Variants in CASZ1 observed in about 807,000 individuals in gnomAD.
The protein encoded by CASZ1 is zinc finger protein castor homolog 1.
Under a neutral mutation model 135.2 loss-of-function variants are expected in CASZ1, and 28 were observed. The observed-to-expected ratio is 0.21, with a 90% CI of 0.15 to 0.28. CASZ1 has a LOEUF of 0.28. CASZ1 is among the 10% of genes least tolerant of loss of function. CASZ1 has a pLI of 1.00. For synonymous variants in CASZ1, 1,068 were observed against 1,073.4 expected, an observed-to-expected ratio of 0.99 and a Z score of 0.10; for missense variants, 2,161 against 2,453.3, an observed-to-expected ratio of 0.88 and a Z score of 2.52.
chr1:10,732,425 G>C (rs1036085399), intron 2 of CASZ1, among the ~76,000 whole-genome samples: 2 of 151,986 alleles, frequency 1.3e-5, no homozygotes, highest in Non-Finnish European at 2.9e-5. Context: ...GAGACCAACA[G>C]GTGTGAGAAC....
chr1:10,786,957 C>T (rs1640870470), intron 1 of CASZ1, among the ~76,000 whole-genome samples: 1 of 152,188 alleles, frequency 6.6e-6, no homozygotes, highest in African/African-American at 2.4e-5. Context: ...ATGGAATTCA[C>T]AGGGGTCCCC....
Position 10,647,324 on chromosome 1 carries a change from T to C in CASZ1, c.3497+477A>G. 2.0e-6 allele frequency: 2 copies of C among 1,006,464 alleles called. No homozygotes were observed. Among genetic ancestry groups the C allele is most frequent in the Non-Finnish European group, 2.4e-6 (2 of 841,750 alleles). 62.3% of individuals were successfully genotyped at this position (1,006,464 alleles called of 1,614,324 possible). On this transcript the variant is annotated intron_variant, in intron 16 of 20. Transcript: ENST00000377022. This position sits in a 1 kb window ranked among gnomAD's most constrained non-coding sequence, Gnocchi z 4.9. ...CCACCATCCAGTGAGGAGGGTCCCT[T>C]CCACCCAAGAGCTCAGACCACTGTG...
At chr1:10,716,676 C>G (rs1358884153) in intron 2 of CASZ1, among the ~76,000 whole-genome samples, 4 of 152,220 alleles carry the variant, frequency 2.6e-5, no homozygotes, top group African/African-American at 9.6e-5. Context: ...CTAGACAGCA[C>G]AATAAATCTA....
intron 1 of CASZ1, among the ~76,000 whole-genome samples, chr1:10,773,570 G>C (rs1345175635): frequency 1.3e-5 from 2 of 152,124 alleles, no homozygotes; most frequent in Non-Finnish European, 2.9e-5. Flanking sequence ...TGAACATGGT[G>C]AGGGGAAGGG....
intron 1 of CASZ1, among the ~76,000 whole-genome samples, chr1:10,769,526 A>AT (rs968492529): frequency 6.6e-6 from 1 of 151,754 alleles, no homozygotes; most frequent in African/African-American, 2.4e-5. Flanking sequence ...GAAATAGTTA[A>AT]TTTTTTTTTG....
chr1:10,764,747 C>G (rs1402796292), intron 1 of CASZ1, among the ~76,000 whole-genome samples: 2 of 152,192 alleles, frequency 1.3e-5, no homozygotes, highest in Non-Finnish European at 2.9e-5. Context: ...CAAAACAGTT[C>G]TGGACCAAGT....
chr1:10,648,083 G>A lies in CASZ1; in HGVS notation c.3215C>T (p.Pro1072Leu), dbSNP rs142874965. The A allele has an allele frequency of 2.3e-4, 368 of 1,578,716 alleles. 2 individuals are homozygous for A. The highest frequency in any genetic ancestry group is 3.0e-4 in the Non-Finnish European group (350 of 1,163,186). Residue 1072 changes from proline (P) to leucine (L), a missense_variant, in exon 16 of 21, where the codon CCG (proline) becomes CTG (leucine). Around this residue, in one of 7 missense-constraint regions of CASZ1, gnomAD observed 349 missense variants for 460.8 expected, o/e 0.76. Transcript: ENST00000377022. ...AGGTTTGGTCTCGGCGGCCGAGGCC[G>A]GAAAGGCAGCCTCTGTGTTTCCTTT... Reference protein sequence around the residue: ...AAKGNTEAAFPASAAETKPPM... With the variant: ...AAKGNTEAAFLASAAETKPPM...
At chr1:10,685,249 G>C (rs772819241) in intron 4 of CASZ1, among the ~76,000 whole-genome samples, 2 of 152,222 alleles carry the variant, frequency 1.3e-5, no homozygotes, top group Non-Finnish European at 2.9e-5. Context: ...CCCTAGAGGG[G>C]AGTCTGGGGA....
intron 1 of CASZ1, among the ~76,000 whole-genome samples, chr1:10,770,973 A>G (rs2100593143): frequency 6.6e-6 from 1 of 152,244 alleles, no homozygotes; most frequent in East Asian, 1.9e-4. Flanking sequence ...TGCTTTTCCC[A>G]GGAGGGGCGG....
Position 10,694,538 on chromosome 1 carries a change from G to T in CASZ1, c.-23-626C>A, listed in dbSNP as rs1443984406. On this transcript the variant is annotated intron_variant, in intron 3 of 20. Coordinates refer to ENST00000377022, the MANE Select transcript of CASZ1 (RefSeq NM_001079843.3). The surrounding 1 kb of genome is among the most constrained non-coding windows in gnomAD (Gnocchi z 6.6). ...AGGGCGGCCGCGGCGCCGCCTCCTC[G>T]GCCCGGCCCGCGCCGGCCCCGGCAG... is the stretch of plus-strand genomic sequence containing the variant. 7.1e-6 allele frequency: 1 copy of T among 141,682 alleles called. No homozygotes were observed. Among genetic ancestry groups the T allele is most frequent in the South Asian group, 2.1e-4 (1 of 4,854 alleles). The allele number at this position is 141,682 out of a possible 1,614,324, so 8.8% of individuals were successfully genotyped here.
chr1:10,715,298 T>G (rs1032999190), intron 2 of CASZ1, among the ~76,000 whole-genome samples: 1 of 152,138 alleles, frequency 6.6e-6, no homozygotes, highest in African/African-American at 2.4e-5. Flanking sequence ...ACCAACTCTG[T>G]GAGTCACCTC....
intron 2 of CASZ1, among the ~76,000 whole-genome samples, chr1:10,760,076 C>A (rs896639994): frequency 6.6e-6 from 1 of 152,210 alleles, no homozygotes; most frequent in Non-Finnish European, 1.5e-5. Flanking sequence ...CATGAGTGAC[C>A]TGCCTTACGC....
chr1:10,726,974 G>A lies in CASZ1; in HGVS notation c.-76-21430C>T, dbSNP rs1192280656. On this transcript the variant is annotated intron_variant, in intron 2 of 20. Coordinates refer to ENST00000377022, the MANE Select transcript of CASZ1 (RefSeq NM_001079843.3). This position sits in a 1 kb window ranked among gnomAD's most constrained non-coding sequence, Gnocchi z 5.7. ...CCTGGCCAGTTTCTCTATCACGAAA[G>A]CCAGGACGGAGGGGAGGGAGACCGG... Among the ~76,000 whole-genome samples, 1 of 152,198 alleles carries A rather than the reference G, an allele frequency of 6.6e-6. No individual in the cohort carries two copies. The highest frequency in any genetic ancestry group is 1.5e-5 in the Non-Finnish European group (1 of 68,034).
chr1:10,751,527 G>A (rs1469666143), intron 2 of CASZ1, among the ~76,000 whole-genome samples: 1 of 152,338 alleles, frequency 6.6e-6, no homozygotes, highest in East Asian at 1.9e-4. Flanking sequence ...CACCAGCTTT[G>A]CTTTTAATGC....
At chr1:10,645,269 G>A (rs1334549572) in intron 17 of CASZ1, among the ~76,000 whole-genome samples, 181 bp from the exon 18 acceptor site, 5 of 152,180 alleles carry the variant, frequency 3.3e-5, no homozygotes, top group African/African-American at 9.6e-5. Flanking sequence ...GGTGGCTCAC[G>A]CCTATAATCC....
chr1:10,690,616 C>T (rs940047378), intron 4 of CASZ1, among the ~76,000 whole-genome samples: 1 of 152,210 alleles, frequency 6.6e-6, no homozygotes, highest in African/African-American at 2.4e-5. Flanking sequence ...CTCCCATTGA[C>T]CCGCCTCGAC....
chr1:10,646,928 C>T lies in CASZ1; in HGVS notation c.3498-602G>A, dbSNP rs935185812. On this transcript the variant is annotated intron_variant, in intron 16 of 20. Coordinates refer to ENST00000377022, the MANE Select transcript of CASZ1 (RefSeq NM_001079843.3). This position sits in a 1 kb window ranked among gnomAD's most constrained non-coding sequence, Gnocchi z 6.4. ...CGGCGGAGTGGGAGAGCTGCTGGGG[C>T]AGAGCGGGTGTGCTGGCCTGCCCTA... 6.6e-6 allele frequency among the ~76,000 whole-genome samples: 1 copy of T among 152,196 alleles called. No individual in the cohort carries two copies. Among genetic ancestry groups the T allele is most frequent in the African/African-American group, 2.4e-5 (1 of 41,438 alleles).
At position 10,660,341 on chromosome 1, in the gene CASZ1, G is replaced by A. The variant is rs1361254433; in HGVS notation, c.701C>T (p.Ala234Val). The change falls in exon 6 of 21, where the codon GCG becomes GTG. Residue 234 changes from alanine (A) to valine (V), a missense_variant. Transcript: ENST00000377022. ...GTACTCCTCATACTTAGAGAACCGC[G>A]CCCGCTTGCTGAGGGTATCCTCGGA... ...PTSEDTLSKR[A>V]RFSKYEEYIR... The A allele has an allele frequency of 1.9e-6, 3 of 1,614,148 alleles. No homozygotes were observed. Among genetic ancestry groups the A allele is most frequent in the Non-Finnish European group, 2.5e-6 (3 of 1,180,018 alleles).
intron 1 of CASZ1, among the ~76,000 whole-genome samples, chr1:10,790,774 T>C (rs1217641162): frequency 1.3e-5 from 2 of 152,102 alleles, no homozygotes; most frequent in Non-Finnish European, 2.9e-5. Context: ...ACAAAAACCT[T>C]GGCTATGCCT....
Sources: allele counts gnomAD v4.1 joint callset (sites outside exome capture counted in the v4.1 genomes callset), GRCh38; gene constraint gnomAD v4.1.1; regional missense constraint gnomAD v4.1.1; non-coding constraint Gnocchi (gnomAD v3.1); transcripts MANE v1.5; gene names NCBI Gene and HGNC (gene_info 2026-07-23, HGNC 2026-07-21).